The following ARMC8 variants were observed in gnomAD, a reference collection of about 807,000 sequenced individuals.
ARMC8 encodes the protein armadillo repeat containing 8, also known as armadillo repeat-containing protein 8.
A neutral mutation model predicts 99.3 loss-of-function variants in ARMC8; 20 were observed. The observed-to-expected ratio is 0.20, with a 90% CI of 0.14 to 0.29. The LOEUF (loss-of-function observed/expected upper bound fraction) is 0.29, where lower values mean the gene tolerates loss of function less well. Among genes scored for constraint, ARMC8 ranks in the 10% least tolerant of loss-of-function variants. The pLI, the probability that ARMC8 is intolerant of heterozygous loss-of-function variation, is 1.00. For missense variants in ARMC8, 569 were observed against 809.5 expected (o/e 0.70, Z 3.60); for synonymous variants, 263 against 278.3 (o/e 0.95, Z 0.55).
rs891153230 is a variant in ARMC8 at position 138,213,524 on chromosome 3, C to T, written c.122+3631C>T. On this transcript the variant is annotated intron_variant, in intron 2 of 21. Transcript: ENST00000469044. ...TGATCATTAAGTAGGGAGTAAGATA[C>T]GAGCTGAAAGAAGAGGGAAGTCACT... Among the ~76,000 whole-genome samples, 5 of 152,098 alleles carry T rather than the reference C, an allele frequency of 3.3e-5. No homozygotes were observed. In the East Asian group the frequency reaches 5.8e-4, roughly 18 times the overall value.
intron 6 of ARMC8, among the ~76,000 whole-genome samples, chr3:138,234,342 C>G (rs905551386): frequency 2.0e-5 from 3 of 152,274 alleles, no homozygotes; most frequent in African/African-American, 7.2e-5. Context: ...GATCTCCCAA[C>G]CTCCTGATTC....
At chr3:138,240,255 T>C (rs2046545637) in intron 10 of ARMC8, among the ~76,000 whole-genome samples, 1 of 152,218 alleles carries the variant, frequency 6.6e-6, no homozygotes, top group African/African-American at 2.4e-5. Context: ...ATTGATGATG[T>C]GTCATTTTAT....
intron 10 of ARMC8, among the ~76,000 whole-genome samples, chr3:138,239,775 A>T (rs1231538299): frequency 6.6e-6 from 1 of 152,160 alleles, no homozygotes; most frequent in Non-Finnish European, 1.5e-5. Flanking sequence ...TTTTATGGTA[A>T]TTAGGAGGAT....
chr3:138,200,251 G>A (rs925493256), intron 1 of ARMC8, among the ~76,000 whole-genome samples: 1 of 152,100 alleles, frequency 6.6e-6, no homozygotes, highest in African/African-American at 2.4e-5. Context: ...ATTAAGTAAC[G>A]GTATGTTTGT....
At chr3:138,262,957 G>A (rs1367253530) in intron 12 of ARMC8, among the ~76,000 whole-genome samples, 1 of 152,228 alleles carries the variant, frequency 6.6e-6, no homozygotes, top group Non-Finnish European at 1.5e-5. Flanking sequence ...CTACAGAAGA[G>A]TGAGGGTTAA....
chr3:138,261,794 C>G (rs1228354922), intron 12 of ARMC8: 1 of 152,164 alleles, frequency 6.6e-6, no homozygotes, highest in Non-Finnish European at 1.5e-5. Flanking sequence ...TTGAAGTACC[C>G]AACCTTGACA....
chr3:138,254,976 T>C (rs938664289), intron 12 of ARMC8, among the ~76,000 whole-genome samples: 1 of 152,122 alleles, frequency 6.6e-6, no homozygotes, highest in Non-Finnish European at 1.5e-5. Flanking sequence ...CTTTATCTTC[T>C]ACCCCTAAAG....
At chr3:138,228,116 A>C (rs1317384606) in intron 5 of ARMC8, among the ~76,000 whole-genome samples, 1 of 152,206 alleles carries the variant, frequency 6.6e-6, no homozygotes, top group Non-Finnish European at 1.5e-5. Flanking sequence ...AGTAGCTGGG[A>C]TTACAGGCAT....
intron 18 of ARMC8, among the ~76,000 whole-genome samples, chr3:138,275,633 T>A (rs981654167): frequency 2.6e-5 from 4 of 152,014 alleles, no homozygotes; most frequent in African/African-American, 9.7e-5. Flanking sequence ...AGGTCATCAG[T>A]AGAGAGTTGG....
chr3:138,271,663 C>G (rs764201535), intron 16 of ARMC8, among the ~76,000 whole-genome samples: 1 of 152,144 alleles, frequency 6.6e-6, no homozygotes, highest in Non-Finnish European at 1.5e-5. Context: ...ATAGAGTATT[C>G]TTTTTGCTCT....
At chr3:138,262,656 G>T (rs2047868160) in intron 12 of ARMC8, 1 of 1,457,794 alleles carries the variant, frequency 6.9e-7, no homozygotes, top group Non-Finnish European at 9.1e-7. Context: ...AATTTAATTG[G>T]TCTGCTGTAT....
At chr3:138,218,447 CAG>C (rs1418603453) in intron 2 of ARMC8, among the ~76,000 whole-genome samples, 1 of 152,140 alleles carries the variant, frequency 6.6e-6, no homozygotes, top group African/African-American at 2.4e-5. Context: ...TTTTTCAGTT[CAG>C]GCTCCTTGTA....
intron 16 of ARMC8, among the ~76,000 whole-genome samples, chr3:138,271,212 CTT>C (rs1226941285): frequency 6.6e-6 from 1 of 152,160 alleles, no homozygotes; most frequent in Non-Finnish European, 1.5e-5. Flanking sequence ...CTTTGCACAG[CTT>C]TTAGCACTTC....
chr3:138,277,144 T>A (rs1381728943), intron 18 of ARMC8, among the ~76,000 whole-genome samples: 2 of 152,140 alleles, frequency 1.3e-5, no homozygotes, highest in Non-Finnish European at 2.9e-5. Flanking sequence ...GCCAGTAGAT[T>A]ATTGACAAAG....
At chr3:138,260,616 C>G (rs999953601) in intron 12 of ARMC8, among the ~76,000 whole-genome samples, 1 of 152,188 alleles carries the variant, frequency 6.6e-6, no homozygotes, top group African/African-American at 2.4e-5. Flanking sequence ...TAGGCTTTTT[C>G]TTGGTGCTAA....
intron 13 of ARMC8, 61 bp from the exon 14 acceptor site, chr3:138,264,070 G>A (rs2108266178): frequency 2.0e-6 from 3 of 1,483,596 alleles, no homozygotes; most frequent in Non-Finnish European, 2.8e-6. Flanking sequence ...ATGCCAGCCA[G>A]TTTGTTTGAA....
At chr3:138,209,342 G>A (rs925384771) in intron 1 of ARMC8, among the ~76,000 whole-genome samples, 4 of 152,188 alleles carry the variant, frequency 2.6e-5, no homozygotes, top group Non-Finnish European at 4.4e-5. Flanking sequence ...AGAACTAGGA[G>A]TCTTCTTTCT....
At position 138,272,970 on chromosome 3, in the gene ARMC8, A is replaced by G. The variant is rs372033527; in HGVS notation, c.1483A>G (p.Met495Val). The G allele has an allele frequency of 1.3e-6, 2 of 1,593,184 alleles. No individual in the cohort carries two copies. Among genetic ancestry groups the G allele is most frequent in the African/African-American group, 1.3e-5 (1 of 74,230 alleles). Reference protein sequence around the residue: ...RVNGIWALMNMAFQAEQKIKA... With the variant: ...RVNGIWALMNVAFQAEQKIKA... Reference sequence around the variant, plus strand: ...GCAACTTCTTTAATCCTTTCAGAATATGGCATTTCAGGCTGAACAAAAAAT... The same window carrying G: ...GCAACTTCTTTAATCCTTTCAGAATGTGGCATTTCAGGCTGAACAAAAAAT... The change falls in exon 17 of 22, where the codon ATG becomes GTG. Residue 495 changes from methionine to valine, a missense_variant. This residue lies in a region of ARMC8 where 227 missense variants were observed against 417.9 expected (regional missense o/e 0.54). Coordinates refer to ENST00000469044, the MANE Select transcript of ARMC8 (RefSeq NM_001363941.2).
intron 1 of ARMC8, among the ~76,000 whole-genome samples, chr3:138,201,252 A>G (rs1311334470): frequency 1.2e-4 from 1 of 8,038 alleles, no homozygotes; most frequent in Non-Finnish European, 2.2e-4. Context: ...GTGTCTGCAT[A>G]GCTGTTTAAA....
Sources: allele counts gnomAD v4.1 joint callset (sites outside exome capture counted in the v4.1 genomes callset), GRCh38; gene constraint gnomAD v4.1.1; regional missense constraint gnomAD v4.1.1; transcripts MANE v1.5; gene names NCBI Gene and HGNC (gene_info 2026-07-23, HGNC 2026-07-21).